AHSA1: variants seen among roughly 807,000 people sequenced by gnomAD.
AHSA1 encodes the protein activator of HSP90 ATPase activity 1.
Under a neutral mutation model 46.1 loss-of-function variants are expected in AHSA1, and 14 were observed. The ratio of observed to expected loss-of-function variants is 0.30; its 90% confidence interval spans 0.20 to 0.47. The LOEUF (loss-of-function observed/expected upper bound fraction) is 0.47. Ranked by LOEUF, AHSA1 falls within the 20% of genes least tolerant of loss-of-function variation. AHSA1 has a pLI of 0.99. For missense variants in AHSA1, 333 were observed against 415.9 expected (o/e 0.80, Z 1.73); for synonymous variants, 147 against 145.8 (o/e 1.01, Z -0.06).
intron 8 of AHSA1, 59 bp from the exon 9 acceptor site, chr14:77,469,018 A>C: frequency 6.3e-7 from 1 of 1,589,358 alleles, no homozygotes; most frequent in South Asian, 1.1e-5. Context: ...AGGTTGCCCC[A>C]GTCTTAAACT....
At chr14:77,461,052 G>A (rs7149534) in intron 2 of AHSA1, among the ~76,000 whole-genome samples, 9 of 151,756 alleles carry the variant, frequency 5.9e-5, no homozygotes, top group South Asian at 4.2e-4. Context: ...CCAGCTACTC[G>A]GGAGGCTGAG....
chr14:77,467,539 A>G (rs1025713298), intron 6 of AHSA1, among the ~76,000 whole-genome samples: 12 of 150,308 alleles, frequency 8.0e-5, no homozygotes, highest in African/African-American at 3.0e-4. Flanking sequence ...TAAAAAATAC[A>G]AAAAGTTAGC....
intron 7 of AHSA1, 75 bp from the exon 8 acceptor site, chr14:77,468,382 G>A (rs1594941646): frequency 2.9e-6 from 4 of 1,395,180 alleles, no homozygotes; most frequent in Admixed American, 1.8e-5. Context: ...CCGTATGAAG[G>A]GCAGATGACT....
intron 6 of AHSA1, chr14:77,466,164 C>T (rs1473489119): frequency 6.5e-6 from 1 of 152,860 alleles, no homozygotes; most frequent in East Asian, 1.9e-4. Flanking sequence ...AAACAAAAGA[C>T]CTGGTCTTGC....
chr14:77,468,073 T>TTTG lies in AHSA1; in HGVS notation c.691-9_691-8insTGT. On this transcript the variant is annotated splice_polypyrimidine_tract_variant and intron_variant, in intron 6 of 8. Coordinates refer to ENST00000216479, the MANE Select transcript of AHSA1 (RefSeq NM_012111.3). Reference sequence around the variant, plus strand: ...CCTCTTTTTTTTTTTTTTTTTTTTTTTCCCTGCAGCTGGTGCAGGCCTTTA... The same window carrying TTTG: ...CCTCTTTTTTTTTTTTTTTTTTTTTTTTGTCCCTGCAGCTGGTGCAGGCCTTTA... 7.2e-7 allele frequency: 1 copy of TTTG among 1,379,562 alleles called. No individual in the cohort carries two copies. Among genetic ancestry groups the TTTG allele is most frequent in the Non-Finnish European group, 9.7e-7 (1 of 1,035,278 alleles). The allele number at this position is 1,379,562 out of a possible 1,614,324, so 85.5% of individuals were successfully genotyped here. A position where few individuals can be genotyped will look rare whatever the true frequency, so the allele number is the denominator to read the frequency against.
At position 77,458,235 on chromosome 14, in the gene AHSA1, C is replaced by G; in HGVS notation, c.46C>G (p.Arg16Gly). The G allele has an allele frequency of 1.3e-6, 2 of 1,546,858 alleles. No homozygotes were observed. The highest frequency in any genetic ancestry group is 1.7e-6 in the Non-Finnish European group (2 of 1,145,478). Residue 16 changes from arginine (R) to glycine (G), a missense_variant, in exon 1 of 9, where the codon CGG (arginine) becomes GGG (glycine). Physicochemically the swap from Arg to Gly is moderately radical, Grantham distance 125. Transcript: ENST00000216479. The part of the protein sequence containing the change: ...EGDPRWIVEE[R>G]ADATNVNNWH... Reference sequence around the variant, plus strand: ...AGACCCACGCTGGATCGTGGAGGAGCGGGCGGACGCCACCAACGTCAACAA... The same window carrying G: ...AGACCCACGCTGGATCGTGGAGGAGGGGGCGGACGCCACCAACGTCAACAA...
intron 7 of AHSA1, 123 bp from the exon 8 acceptor site, chr14:77,468,334 C>T (rs902730861): frequency 8.5e-7 from 1 of 1,182,372 alleles, no homozygotes; most frequent in African/African-American, 1.6e-5. Flanking sequence ...GTGATTTGAA[C>T]TGTCTTGCAA....
Position 77,458,134 on chromosome 14 carries a change from C to G in AHSA1, c.-56C>G. The G allele has an allele frequency of 6.8e-7, 1 of 1,476,010 alleles. No individual in the cohort carries two copies. The highest frequency in any genetic ancestry group is 9.0e-7 in the Non-Finnish European group (1 of 1,110,178). 91.4% of individuals were successfully genotyped at this position (1,476,010 alleles called of 1,614,324 possible). On this transcript the variant is annotated 5_prime_UTR_variant, in exon 1 of 9. Transcript: ENST00000216479. Reference sequence around the variant, plus strand: ...TGCCGGGCGGCTGGCACTAAGCGGTCCTGAGGCTGTGGCTACGGCTGCTCC... The same window carrying G: ...TGCCGGGCGGCTGGCACTAAGCGGTGCTGAGGCTGTGGCTACGGCTGCTCC...
chr14:77,462,832 C>G, intron 4 of AHSA1, 73 bp downstream of exon 4: 1 of 1,308,662 alleles, frequency 7.6e-7, no homozygotes, highest in Non-Finnish European at 1.1e-6. Flanking sequence ...AGGGCCTGGA[C>G]AGTCCTTTCT....
At chr14:77,461,707 A>G (rs1205540526) in intron 2 of AHSA1, among the ~76,000 whole-genome samples, 1 of 152,182 alleles carries the variant, frequency 6.6e-6, no homozygotes, top group South Asian at 2.1e-4. Context: ...TGTGTGTTTT[A>G]TGTATCCTGT....
upstream of AHSA1, chr14:77,458,030 G>A: frequency 3.5e-6 from 2 of 575,664 alleles, no homozygotes; most frequent in East Asian, 6.8e-5. Context: ...GGGAGGAGCC[G>A]GAAGTTAAGG....
At position 77,468,546 on chromosome 14, in the gene AHSA1, T is replaced by A. The variant is rs747275324; in HGVS notation, c.844+38T>A. 4 of 1,574,054 alleles carry A rather than the reference T, an allele frequency of 2.5e-6. No individual in the cohort carries two copies. The African/African-American group carries it at 5.5e-5, about 22-fold the overall frequency. ...ATTTATTGCCATTACCCCCAGAACT[T>A]TTTCTCTTTGCTGTAATTTTTTTTT... On this transcript the variant is annotated intron_variant, in intron 8 of 8. Coordinates refer to ENST00000216479, the MANE Select transcript of AHSA1 (RefSeq NM_012111.3).
intron 8 of AHSA1, 54 bp downstream of exon 8, chr14:77,468,562 ATTTTTT>A (rs36001778): frequency 1.2e-4 from 126 of 1,090,824 alleles, no homozygotes; most frequent in Non-Finnish European, 1.4e-4. Flanking sequence ...CTTTGCTGTA[ATTTTTT>A]TTTTTTTTTT....
chr14:77,468,715 T>C lies in AHSA1; in HGVS notation c.844+207T>C, dbSNP rs1594941815. 7 of 465,060 alleles carry C rather than the reference T, an allele frequency of 1.5e-5. No individual in the cohort carries two copies. The East Asian group carries it at 2.3e-4, about 15-fold the overall frequency. 28.8% of individuals were successfully genotyped at this position (465,060 alleles called of 1,614,324 possible). On this transcript the variant is annotated intron_variant, in intron 8 of 8. Coordinates refer to ENST00000216479, the MANE Select transcript of AHSA1 (RefSeq NM_012111.3). Reference sequence around the variant, plus strand: ...GTAGCTGAGACTACGTGTGCCACCATGCCAGCTTTTTTTTTTTTTTTTTTT... The same window carrying C: ...GTAGCTGAGACTACGTGTGCCACCACGCCAGCTTTTTTTTTTTTTTTTTTT...
rs1467174939 is a variant in AHSA1, at chr14:77,459,596, GCT to G, written c.81-17_81-16del. On this transcript the variant is annotated intron_variant, in intron 1 of 8. Coordinates refer to ENST00000216479, the MANE Select transcript of AHSA1 (RefSeq NM_012111.3). ...TCCTCCGTTTGACTGCTGGTTCATAGCTCTGTTTCTGCTTTGCAGGACGGAGA... is the reference window on the plus strand; with the variant it reads ...TCCTCCGTTTGACTGCTGGTTCATAGCTGTTTCTGCTTTGCAGGACGGAGA... 6.2e-7 allele frequency: 1 copy of G among 1,613,420 alleles called. No homozygotes were observed. The highest frequency in any genetic ancestry group is 8.5e-7 in the Non-Finnish European group (1 of 1,179,514).
chr14:77,462,827 C>T, intron 4 of AHSA1, 68 bp downstream of exon 4: 2 of 1,328,850 alleles, frequency 1.5e-6, no homozygotes, highest in Non-Finnish European at 2.2e-6. Flanking sequence ...GGTTAAGGGC[C>T]TGGACAGTCC....
Position 77,462,719 on chromosome 14 carries a change from A to G in AHSA1, c.432A>G (p.Leu144=). 6.2e-7 allele frequency: 1 copy of G among 1,614,184 alleles called. No homozygotes were observed. The highest frequency in any genetic ancestry group is 8.5e-7 in the Non-Finnish European group (1 of 1,180,008). ...TGAAGGAAGAAGGGGTGAAACTTCT[A>G]AGAGAAGCAATGGGAATTTACATCA... ...ALMKEEGVKL[L]REAMGIYIST... Residue 144 remains leucine, a synonymous_variant, in exon 4 of 9, where the codon CTA becomes CTG. Coordinates refer to ENST00000216479, the MANE Select transcript of AHSA1 (RefSeq NM_012111.3).
At chr14:77,468,797 G>A in intron 8 of AHSA1, 1 of 578,966 alleles carries the variant, frequency 1.7e-6, no homozygotes, top group Non-Finnish European at 3.0e-6. Context: ...GTCCAGGCTA[G>A]TCTCGAACTC....
intron 2 of AHSA1, 67 bp downstream of exon 2, chr14:77,459,873 G>A (rs529722764): frequency 6.4e-7 from 1 of 1,569,914 alleles, no homozygotes; most frequent in South Asian, 1.1e-5. Context: ...TAGCTGGAGA[G>A]AACAGTTTTG....
Sources: allele counts gnomAD v4.1 joint callset (sites outside exome capture counted in the v4.1 genomes callset), GRCh38; gene constraint gnomAD v4.1.1; transcripts MANE v1.5; gene names NCBI Gene and HGNC (gene_info 2026-07-23, HGNC 2026-07-21).